HEPH: variants seen among roughly 807,000 people sequenced by gnomAD.
HEPH encodes hephaestin.
Under a neutral mutation model 80.8 loss-of-function variants are expected in HEPH, and 69 were observed. The ratio of observed to expected loss-of-function variants is 0.85; its 90% confidence interval spans 0.70 to 1.04. The LOEUF (loss-of-function observed/expected upper bound fraction) is 1.04. Ranked by LOEUF, HEPH falls within the 50% of genes least tolerant of loss-of-function variation. The pLI, the probability that HEPH is intolerant of heterozygous loss-of-function variation, is 0.00. For missense variants in HEPH, 1,115 were observed against 891.3 expected (o/e 1.25, Z -3.20); for synonymous variants, 431 against 322.8 (o/e 1.34, Z -3.60).
At position 66,256,124 on chromosome X, in the gene HEPH, T is replaced by G; in HGVS notation, c.2690T>G (p.Val897Gly). The part of the protein sequence containing the change: ...DPIKDMYSGL[V>G]GPLAICQKGI... ...CCTCAGGACATGTATAGTGGCCTGG[T>G]GGGGCCCTTGGCTATCTGCCAAAAG... Residue 897 changes from valine (V) to glycine (G), a missense_variant, in exon 17 of 21, where the codon GTG becomes GGG. Coordinates refer to ENST00000343002, the MANE Select transcript of HEPH (RefSeq NM_001367233.3). 8.3e-7 allele frequency: 1 copy of G among 1,209,563 alleles called. No individual in the cohort carries two copies. Among genetic ancestry groups the G allele is most frequent in the Non-Finnish European group, 1.1e-6 (1 of 893,700 alleles).
At chrX:66,227,264 C>T (rs2089932874) in intron 15 of HEPH, among the ~76,000 whole-genome samples, 1 of 111,619 alleles carries the variant, frequency 9.0e-6, no homozygotes, top group African/African-American at 3.3e-5. Flanking sequence ...AAGGCGCATA[C>T]CTTAAGGTAT....
At chrX:66,239,717 T>G (rs1395529319) in intron 15 of HEPH, among the ~76,000 whole-genome samples, 1 of 112,071 alleles carries the variant, frequency 8.9e-6, no homozygotes, top group East Asian at 2.8e-4. Flanking sequence ...GGACACACTC[T>G]TCTAAGATTT....
chrX:66,265,616 C>G lies in HEPH; in HGVS notation c.3245-824C>G, dbSNP rs72552303. ...AAAACATAGAGGAAAGAACAATTGT[C>G]TAATGAAATCAAAGAAAACTTTGCA... On this transcript the variant is annotated intron_variant, in intron 20 of 20. Coordinates refer to ENST00000343002, the MANE Select transcript of HEPH (RefSeq NM_001367233.3). Among the ~76,000 whole-genome samples the G allele has an allele frequency of 6.3e-3, 694 of 110,985 alleles. 6 individuals are homozygous for G. Among genetic ancestry groups the G allele is most frequent in the African/African-American group, 0.02 (626 of 30,571 alleles).
intron 15 of HEPH, among the ~76,000 whole-genome samples, chrX:66,208,631 C>CATATATATATATAT (rs56924616): frequency 2.8e-5 from 1 of 35,102 alleles, no homozygotes; most frequent in Non-Finnish European, 6.1e-5. Flanking sequence ...TATATACATA[C>CATATATATATATAT]ATATATATAT....
At chrX:66,229,664 G>C (rs1175718126) in intron 15 of HEPH, among the ~76,000 whole-genome samples, 1 of 111,893 alleles carries the variant, frequency 8.9e-6, no homozygotes, top group African/African-American at 3.2e-5. Context: ...GTTTATACCA[G>C]ATATATCTTA....
intron 15 of HEPH, among the ~76,000 whole-genome samples, chrX:66,212,241 TC>T (rs2089172299): frequency 9.1e-6 from 1 of 109,694 alleles, no homozygotes; most frequent in African/African-American, 3.3e-5. Context: ...CTAGTATTAG[TC>T]TCCTGTCAAA....
chrX:66,209,462 A>C (rs754616537), intron 15 of HEPH, among the ~76,000 whole-genome samples: 22 of 111,963 alleles, frequency 2.0e-4, no homozygotes. Context: ...TACACTTTGG[A>C]AACAGGTGAC....
At chrX:66,264,721 G>A (rs180893848) in intron 20 of HEPH, among the ~76,000 whole-genome samples, 35 of 107,569 alleles carry the variant, frequency 3.3e-4, no homozygotes, top group African/African-American at 1.1e-3. Context: ...TGGAGGGGAT[G>A]GGGAAAGGTA....
intron 19 of HEPH, among the ~76,000 whole-genome samples, chrX:66,263,390 T>C (rs921232811): frequency 1.8e-5 from 2 of 111,790 alleles, no homozygotes; most frequent in Non-Finnish European, 3.8e-5. Context: ...CCAAGAAATA[T>C]TTAAATAATA....
At chrX:66,226,183 G>A (rs764346520) in intron 15 of HEPH, among the ~76,000 whole-genome samples, 10 of 112,131 alleles carry the variant, frequency 8.9e-5, no homozygotes, top group Admixed American at 5.7e-4. Flanking sequence ...ACCAGGCCCA[G>A]GGTGTGGTGC....
intron 15 of HEPH, among the ~76,000 whole-genome samples, chrX:66,233,369 C>T (rs1258789065): frequency 1.8e-5 from 2 of 111,421 alleles, no homozygotes; most frequent in Non-Finnish European, 3.8e-5. Flanking sequence ...ATATTAGATG[C>T]TTTGTTCATG....
intron 15 of HEPH, among the ~76,000 whole-genome samples, chrX:66,253,237 C>T (rs779217886): frequency 1.8e-5 from 2 of 112,034 alleles, no homozygotes; most frequent in African/African-American, 3.2e-5. Flanking sequence ...TGCTTGATGT[C>T]ATTGTTATTT....
intron 1 of HEPH, chrX:66,170,182 A>C: frequency 8.0e-6 from 1 of 124,817 alleles, no homozygotes; most frequent in East Asian, 2.2e-4. Context: ...CCTTTTGCCT[A>C]TGGGAAAAGA....
At chrX:66,186,237 C>A (rs1243130735) in intron 4 of HEPH, among the ~76,000 whole-genome samples, 1 of 98,343 alleles carries the variant, frequency 1.0e-5, no homozygotes, top group African/African-American at 4.1e-5. Context: ...CCCCCCAGTT[C>A]GAGCTTCCAG....
At chrX:66,226,920 C>T (rs1177929203) in intron 15 of HEPH, among the ~76,000 whole-genome samples, 1 of 111,519 alleles carries the variant, frequency 9.0e-6, no homozygotes, top group African/African-American at 3.3e-5. Context: ...TGGAATCCTC[C>T]TCAAATCATT....
At chrX:66,191,455 G>C (rs2087785529) in intron 6 of HEPH, among the ~76,000 whole-genome samples, 1 of 111,873 alleles carries the variant, frequency 8.9e-6, no homozygotes, top group African/African-American at 3.3e-5. Flanking sequence ...ATCTCCCTGG[G>C]ATGCTGTGGG....
At chrX:66,237,579 G>T (rs1314055494) in intron 15 of HEPH, among the ~76,000 whole-genome samples, 1 of 111,953 alleles carries the variant, frequency 8.9e-6, no homozygotes, top group Non-Finnish European at 1.9e-5. Context: ...ATGTGGTGAT[G>T]AGAAGGATGC....
intron 4 of HEPH, among the ~76,000 whole-genome samples, chrX:66,175,244 G>A (rs1479611871): frequency 8.9e-6 from 1 of 111,768 alleles, no homozygotes; most frequent in Non-Finnish European, 1.9e-5. Context: ...AATTATCTCA[G>A]TACCATTTGT....
chrX:66,229,298 G>T lies in HEPH; in HGVS notation c.2563+21052G>T, dbSNP rs186835682. 1.2e-4 allele frequency among the ~76,000 whole-genome samples: 14 copies of T among 112,419 alleles called. No individual in the cohort carries two copies. In the East Asian group the frequency reaches 2.8e-3, roughly 22 times the overall value. On this transcript the variant is annotated intron_variant, in intron 15 of 20. Transcript: ENST00000343002. Reference sequence around the variant, plus strand: ...AAAAAGTAATGAAATAGTAGCATTTGCAGCAACCTGGATGGAATTGGAAAC... The same window carrying T: ...AAAAAGTAATGAAATAGTAGCATTTTCAGCAACCTGGATGGAATTGGAAAC...
Sources: allele counts gnomAD v4.1 joint callset (sites outside exome capture counted in the v4.1 genomes callset), GRCh38; gene constraint gnomAD v4.1.1; transcripts MANE v1.5; gene names NCBI Gene and HGNC (gene_info 2026-07-23, HGNC 2026-07-21).